The following GPC6 variants were observed in gnomAD, a reference collection of about 807,000 sequenced individuals.
GPC6 encodes glypican-6.
A neutral mutation model predicts 55.2 loss-of-function variants in GPC6; 14 were observed. That is an observed-to-expected ratio of 0.25 (90% CI 0.17 to 0.40). GPC6 has a LOEUF of 0.40. Ranked by LOEUF, GPC6 falls within the 10% of genes least tolerant of loss-of-function variation. GPC6 has a pLI of 1.00. For missense variants in GPC6, 641 were observed against 708.5 expected (o/e 0.90, Z 1.08); for synonymous variants, 278 against 259.6 (o/e 1.07, Z -0.68).
chr13:93,701,007 T>TA (rs1232362748), intron 2 of GPC6, among the ~76,000 whole-genome samples: 5 of 152,122 alleles, frequency 3.3e-5, no homozygotes, highest in Admixed American at 1.3e-4. Context: ...AATTTGTACT[T>TA]ACACTGATTA....
At chr13:93,637,345 G>A (rs1879741486) in intron 2 of GPC6, among the ~76,000 whole-genome samples, 2 of 152,062 alleles carry the variant, frequency 1.3e-5, no homozygotes, top group Non-Finnish European at 2.9e-5. Flanking sequence ...CTCATTCCCT[G>A]CAATCTTTTA....
chr13:94,276,007 T>C (rs143401593), intron 4 of GPC6, among the ~76,000 whole-genome samples: 3 of 152,334 alleles, frequency 2.0e-5, no homozygotes, highest in Non-Finnish European at 4.4e-5. Flanking sequence ...ACAGCCTTTA[T>C]GAAGAGAATT....
chr13:93,646,645 T>C (rs1880186458), intron 2 of GPC6, among the ~76,000 whole-genome samples: 1 of 152,122 alleles, frequency 6.6e-6, no homozygotes, highest in Non-Finnish European at 1.5e-5. Flanking sequence ...TAAGTTCTTT[T>C]CTGTTTTCCC....
intron 2 of GPC6, among the ~76,000 whole-genome samples, chr13:93,776,125 C>T (rs1392049221): frequency 1.8e-4 from 2 of 10,952 alleles, no homozygotes; most frequent in Non-Finnish European, 3.4e-4. Context: ...GAGAAACACC[C>T]AAGTATCCTG....
intron 4 of GPC6, among the ~76,000 whole-genome samples, chr13:94,109,034 C>T (rs1374050417): frequency 6.6e-6 from 1 of 151,890 alleles, no homozygotes; most frequent in Non-Finnish European, 1.5e-5. Context: ...TATTATGTTT[C>T]CCCTTTCTTT....
At chr13:94,046,048 T>C (rs1053499788) in intron 4 of GPC6, among the ~76,000 whole-genome samples, 6 of 151,928 alleles carry the variant, frequency 3.9e-5, no homozygotes, top group African/African-American at 1.4e-4. Context: ...ACAAAGTCCA[T>C]GCTTTAACCC....
At chr13:94,002,885 G>C (rs1009939469) in intron 3 of GPC6, among the ~76,000 whole-genome samples, 2 of 152,130 alleles carry the variant, frequency 1.3e-5, no homozygotes, top group Non-Finnish European at 2.9e-5. Context: ...CAATTACAAA[G>C]TGCTTTAATT....
chr13:93,421,391 T>C (rs1876917031), intron 1 of GPC6, among the ~76,000 whole-genome samples: 1 of 152,112 alleles, frequency 6.6e-6, no homozygotes. Context: ...GTACTGGCTT[T>C]TAGCATTATT....
chr13:93,866,646 C>G (rs949418236), intron 3 of GPC6, among the ~76,000 whole-genome samples: 3 of 151,698 alleles, frequency 2.0e-5, no homozygotes, highest in Admixed American at 6.6e-5. Flanking sequence ...CATGTTCTCA[C>G]TTATAAGTGG....
At chr13:94,134,839 CA>C (rs1403263772) in intron 4 of GPC6, among the ~76,000 whole-genome samples, 1 of 152,130 alleles carries the variant, frequency 6.6e-6, no homozygotes, top group Non-Finnish European at 1.5e-5. Flanking sequence ...AAGTCTAAGT[CA>C]CCTGTAATGC....
intron 7 of GPC6, among the ~76,000 whole-genome samples, chr13:94,385,127 C>T (rs1880345163): frequency 6.6e-6 from 1 of 152,024 alleles, no homozygotes; most frequent in Non-Finnish European, 1.5e-5. Context: ...GTAGTCCCAG[C>T]TACTTAGGAA....
At chr13:94,221,009 C>A (rs1173455116) in intron 4 of GPC6, among the ~76,000 whole-genome samples, 2 of 151,918 alleles carry the variant, frequency 1.3e-5, no homozygotes, top group African/African-American at 4.8e-5. Context: ...CGGTTAGGAC[C>A]CAAAGTTTTG....
At chr13:94,030,089 G>A (rs1048299891) in intron 4 of GPC6, among the ~76,000 whole-genome samples, 1 of 149,352 alleles carries the variant, frequency 6.7e-6, no homozygotes, top group East Asian at 2.0e-4. Context: ...TGCAAGCTCC[G>A]CCTCCCGGGT....
intron 3 of GPC6, among the ~76,000 whole-genome samples, chr13:93,887,965 G>A (rs939217965): frequency 6.6e-6 from 1 of 152,108 alleles, no homozygotes; most frequent in Non-Finnish European, 1.5e-5. Flanking sequence ...CTGGGGACCA[G>A]TCCATCTGGG....
intron 6 of GPC6, among the ~76,000 whole-genome samples, chr13:94,334,699 C>T (rs924189885): frequency 6.6e-6 from 1 of 152,142 alleles, no homozygotes; most frequent in African/African-American, 2.4e-5. Flanking sequence ...TTGAGAAGCA[C>T]AAGTCTGGGA....
intron 1 of GPC6, among the ~76,000 whole-genome samples, chr13:93,339,200 C>T (rs1880150213): frequency 6.6e-6 from 1 of 152,188 alleles, no homozygotes; most frequent in Non-Finnish European, 1.5e-5. Context: ...TTTGTTCCTC[C>T]TCTATCTGAT....
intron 3 of GPC6, among the ~76,000 whole-genome samples, chr13:93,859,053 C>A (rs760789623): frequency 6.6e-6 from 1 of 151,478 alleles, no homozygotes; most frequent in Non-Finnish European, 1.5e-5. Context: ...TAGGTCATCT[C>A]TTTAACATCT....
intron 1 of GPC6, among the ~76,000 whole-genome samples, chr13:93,543,192 C>T (rs1016601688): frequency 5.9e-5 from 9 of 152,114 alleles, no homozygotes; most frequent in Middle Eastern, 3.4e-3. Flanking sequence ...TTTTGAGATA[C>T]GTCCCATCAA....
At chr13:93,443,965 A>T (rs1203792162) in intron 1 of GPC6, among the ~76,000 whole-genome samples, 1 of 152,212 alleles carries the variant, frequency 6.6e-6, no homozygotes. Context: ...AGTAACCATT[A>T]TATCCGCTTG....
Sources: allele counts gnomAD v4.1 joint callset (sites outside exome capture counted in the v4.1 genomes callset), GRCh38; gene constraint gnomAD v4.1.1; transcripts MANE v1.5; gene names NCBI Gene and HGNC (gene_info 2026-07-23, HGNC 2026-07-21).